Variants in IPCEF1 observed in about 807,000 individuals in gnomAD.
The protein encoded by IPCEF1 is interactor protein for cytohesin exchange factors 1.
In IPCEF1, 31 loss-of-function variants were observed where a neutral mutation model predicts 50.9. The ratio of observed to expected loss-of-function variants is 0.61; its 90% CI spans 0.46 to 0.82. IPCEF1 has a LOEUF of 0.82. Among genes scored for constraint, IPCEF1 ranks in the 40% least tolerant of loss-of-function variants. The probability of loss-of-function intolerance (pLI) is 0.00; values close to 1 mark genes in which losing one functional copy is unlikely to be tolerated. For missense variants in IPCEF1, 458 were observed against 514.0 expected (o/e 0.89, Z 1.05); for synonymous variants, 181 against 192.0 (o/e 0.94, Z 0.47).
At chr6:154,259,653 A>AAAAT (rs1295872358) in intron 3 of IPCEF1, among the ~76,000 whole-genome samples, 15 of 152,090 alleles carry the variant, frequency 9.9e-5, no homozygotes, top group Admixed American at 7.9e-4. Context: ...ACTCTGTCTA[A>AAAAT]AAATAAATAA....
intron 10 of IPCEF1, among the ~76,000 whole-genome samples, chr6:154,170,717 G>C (rs1043534130): frequency 6.6e-6 from 1 of 152,298 alleles, no homozygotes; most frequent in African/African-American, 2.4e-5. Context: ...AGTCATGAGG[G>C]AAATGCAAGC....
intron 5 of IPCEF1, among the ~76,000 whole-genome samples, chr6:154,234,580 G>C (rs1779970865): frequency 1.3e-5 from 2 of 152,144 alleles, no homozygotes; most frequent in African/African-American, 4.8e-5. Flanking sequence ...AGTCAACCAA[G>C]GATATGGCTC....
intron 1 of IPCEF1, among the ~76,000 whole-genome samples, chr6:154,313,307 G>A (rs981977925): frequency 1.3e-5 from 2 of 151,754 alleles, no homozygotes; most frequent in Non-Finnish European, 1.5e-5. Flanking sequence ...CCTAGGAGGT[G>A]GAGGTTGCAG....
chr6:154,251,510 C>A (rs781653447), intron 3 of IPCEF1, among the ~76,000 whole-genome samples: 14 of 152,188 alleles, frequency 9.2e-5, no homozygotes, highest in Non-Finnish European at 1.9e-4. Flanking sequence ...CTCATAGCCA[C>A]CTTTCTGGCT....
chr6:154,341,467 C>G (rs1461675027), intron 1 of IPCEF1, among the ~76,000 whole-genome samples: 3 of 152,136 alleles, frequency 2.0e-5, no homozygotes, highest in Non-Finnish European at 4.4e-5. Context: ...AATGCTGAAT[C>G]CAGAAAGATT....
chr6:154,179,375 A>G lies in IPCEF1; in HGVS notation c.911-11262T>C, dbSNP rs369433430. On this transcript the variant is annotated intron_variant, in intron 10 of 11. Coordinates refer to ENST00000367220, the MANE Select transcript of IPCEF1 (RefSeq NM_001130700.2). ...ATATATTTTTCTAAATTAGAATTTC[A>G]TAGTAGAAAACACTACATTATTTCT... Among the ~76,000 whole-genome samples the G allele has an allele frequency of 2.0e-4, 30 of 152,336 alleles. 1 individual carries two copies. In the East Asian group the frequency reaches 4.6e-3, roughly 23 times the overall value.
chr6:154,209,643 CAAA>C (rs34423257), intron 9 of IPCEF1, among the ~76,000 whole-genome samples: 10 of 107,918 alleles, frequency 9.3e-5, no homozygotes, highest in Non-Finnish European at 9.6e-5. Flanking sequence ...GACTGTGTCT[CAAA>C]AAAAAAAAAA....
chr6:154,306,123 TC>T (rs970348984), intron 1 of IPCEF1, among the ~76,000 whole-genome samples: 2 of 152,136 alleles, frequency 1.3e-5, no homozygotes, highest in Non-Finnish European at 2.9e-5. Flanking sequence ...AGCTTCCTTC[TC>T]CTGCCTGCCC....
Position 154,168,213 on chromosome 6 carries a change from C to T in IPCEF1, c.911-100G>A, listed in dbSNP as rs958289183. 1.2e-5 allele frequency: 10 copies of T among 813,112 alleles called. No individual in the cohort carries two copies. The highest frequency in any genetic ancestry group is 2.5e-5 in the Admixed American group (1 of 40,180). The allele number at this position is 813,112 out of a possible 1,614,324, so 50.4% of individuals were successfully genotyped here. A position where few individuals can be genotyped will look rare whatever the true frequency, so the allele number is the denominator to read the frequency against. ...GTCCCAAGGCACGGCCCCACTGGCA[C>T]CCTCATCTCAGACTTCTCTCCGGAA... On this transcript the variant is annotated intron_variant, in intron 10 of 11. Transcript: ENST00000367220. The surrounding 1 kb of genome is among the most constrained non-coding windows in gnomAD (Gnocchi z 4.1).
chr6:154,335,958 A>C (rs773153199), intron 1 of IPCEF1, among the ~76,000 whole-genome samples: 1 of 152,192 alleles, frequency 6.6e-6, no homozygotes, highest in African/African-American at 2.4e-5. Context: ...TGAAGGAAAA[A>C]ACTGCAATGA....
At chr6:154,347,049 T>A (rs1463068315) in intron 1 of IPCEF1, among the ~76,000 whole-genome samples, 2 of 152,154 alleles carry the variant, frequency 1.3e-5, no homozygotes, top group Non-Finnish European at 2.9e-5. Context: ...GGAATGAGAT[T>A]TTCCTCAAGG....
At chr6:154,269,297 G>A (rs931944805) in intron 2 of IPCEF1, among the ~76,000 whole-genome samples, 11 of 152,078 alleles carry the variant, frequency 7.2e-5, no homozygotes, top group Admixed American at 2.0e-4. Context: ...GAAATGAGAT[G>A]ATGTTGATAT....
At chr6:154,176,581 A>G (rs933677918) in intron 10 of IPCEF1, among the ~76,000 whole-genome samples, 1 of 152,210 alleles carries the variant, frequency 6.6e-6, no homozygotes, top group African/African-American at 2.4e-5. Flanking sequence ...TACTATAAAG[A>G]GAATAAAATA....
intron 3 of IPCEF1, among the ~76,000 whole-genome samples, chr6:154,255,628 T>A (rs1181359327): frequency 6.6e-6 from 1 of 152,248 alleles, no homozygotes; most frequent in East Asian, 1.9e-4. Flanking sequence ...GCCATTTTCC[T>A]CATTCTCTTC....
At chr6:154,178,385 A>G (rs1800539669) in intron 10 of IPCEF1, among the ~76,000 whole-genome samples, 1 of 152,234 alleles carries the variant, frequency 6.6e-6, no homozygotes, top group Non-Finnish European at 1.5e-5. Flanking sequence ...AACATGGCAT[A>G]TAATATATTC....
At chr6:154,322,373 A>AACACACACACACAC (rs3039689) in intron 1 of IPCEF1, among the ~76,000 whole-genome samples, 29 of 123,840 alleles carry the variant, frequency 2.3e-4, no homozygotes, top group African/African-American at 7.6e-4. Context: ...AAAAATTTTA[A>AACACACACACACAC]ACACACACAC....
chr6:154,291,929 C>A (rs939130685), intron 1 of IPCEF1, among the ~76,000 whole-genome samples: 2 of 152,006 alleles, frequency 1.3e-5, no homozygotes, highest in East Asian at 3.8e-4. Context: ...GTGATCCACC[C>A]GCCTCGGCCT....
At chr6:154,333,930 G>C (rs1057171286) in intron 1 of IPCEF1, among the ~76,000 whole-genome samples, 7 of 152,068 alleles carry the variant, frequency 4.6e-5, no homozygotes, top group African/African-American at 1.2e-4. Context: ...TATTAGGAGA[G>C]AGAAATAAAT....
intron 2 of IPCEF1, among the ~76,000 whole-genome samples, chr6:154,275,978 G>A (rs1441846105): frequency 2.0e-5 from 3 of 151,964 alleles, no homozygotes; most frequent in South Asian, 2.1e-4. Context: ...TCAGGAGTTC[G>A]AAACCAGCCT....
Sources: gnomAD v4.1 joint callset for allele counts (sites outside exome capture counted in the v4.1 genomes callset) on GRCh38, gnomAD v4.1.1 for gene constraint, Gnocchi (gnomAD v3.1) non-coding constraint, MANE v1.5 for transcripts, NCBI Gene and HGNC (gene_info 2026-07-23, HGNC 2026-07-21) for gene names.